BCAS3: variants seen among roughly 807,000 people sequenced by gnomAD.
BCAS3 encodes the protein BCAS3 microtubule associated cell migration factor.
In BCAS3, 53 loss-of-function variants were observed where a neutral mutation model predicts 116.1. The observed-to-expected ratio is 0.46, with a 90% CI of 0.37 to 0.57. The LOEUF (loss-of-function observed/expected upper bound fraction) is 0.57, where lower values mean the gene tolerates loss of function less well. Ranked by LOEUF, BCAS3 falls within the 20% of genes least tolerant of loss-of-function variation. The pLI, the probability that BCAS3 is intolerant of heterozygous loss-of-function variation, is 0.00. For missense variants in BCAS3, 917 were observed against 1,165.4 expected, an observed-to-expected ratio of 0.79 and a Z score of 3.10; for synonymous variants, 391 against 408.2, an observed-to-expected ratio of 0.96 and a Z score of 0.51.
At chr17:60,844,245 C>T (rs1364672938) in intron 7 of BCAS3, among the ~76,000 whole-genome samples, 1 of 152,186 alleles carries the variant, frequency 6.6e-6, no homozygotes, top group African/African-American at 2.4e-5. Flanking sequence ...GCTGGGATTA[C>T]AGGCCTGAGC....
At chr17:61,232,200 G>GAAAAAAAAAAAA (rs71148394) in intron 22 of BCAS3, among the ~76,000 whole-genome samples, 2 of 72,460 alleles carry the variant, frequency 2.8e-5, no homozygotes, top group African/African-American at 6.4e-5. Context: ...GAAAGACTCC[G>GAAAAAAAAAAAA]AAAAAAAAAA....
intron 19 of BCAS3, among the ~76,000 whole-genome samples, chr17:61,045,522 A>G (rs1339407372): frequency 1.3e-5 from 2 of 150,072 alleles, no homozygotes; most frequent in Admixed American, 1.3e-4. Flanking sequence ...TAAGAAAGAA[A>G]AAAAAAAAAA....
chr17:61,298,357 C>A (rs923354484), intron 22 of BCAS3, among the ~76,000 whole-genome samples: 2 of 152,060 alleles, frequency 1.3e-5, no homozygotes, highest in Non-Finnish European at 2.9e-5. Flanking sequence ...AATCAGCTGT[C>A]CCCCCAGGCC....
chr17:60,750,685 A>T (rs930421447), intron 6 of BCAS3, among the ~76,000 whole-genome samples: 4 of 152,340 alleles, frequency 2.6e-5, no homozygotes, highest in Non-Finnish European at 5.9e-5. Flanking sequence ...CCAGCATCAC[A>T]TTCTGCCATC....
rs747101806 is a variant in BCAS3, at chr17:61,380,620, T to C, written c.2594-11357T>C. 28 of 1,561,144 alleles carry C rather than the reference T, an allele frequency of 1.8e-5. No individual in the cohort carries two copies. The South Asian group carries it at 3.1e-4, about 17-fold the overall frequency. On this transcript the variant is annotated intron_variant, in intron 23 of 23. Coordinates refer to ENST00000407086, the MANE Select transcript of BCAS3 (RefSeq NM_017679.5). This position sits in a 1 kb window ranked among gnomAD's most constrained non-coding sequence, Gnocchi z 4.2. ...TATGTGGAAGGGGTTGTCCCGTTGC[T>C]TCTTTTGTCCCTCAAGAGGGTGCCC...
chr17:60,827,661 A>G (rs554798399), intron 7 of BCAS3, among the ~76,000 whole-genome samples: 44 of 152,334 alleles, frequency 2.9e-4, no homozygotes, highest in African/African-American at 1.0e-3. Context: ...CCATGAAGCC[A>G]TCACATTCCA....
At chr17:61,267,056 T>C (rs1244612437) in intron 22 of BCAS3, among the ~76,000 whole-genome samples, 1 of 152,118 alleles carries the variant, frequency 6.6e-6, no homozygotes, top group Admixed American at 6.5e-5. Flanking sequence ...TTTTGTGTTG[T>C]TGTTTGTTTG....
intron 6 of BCAS3, among the ~76,000 whole-genome samples, chr17:60,788,081 C>T (rs781316356): frequency 1.3e-5 from 2 of 152,046 alleles, no homozygotes; most frequent in Non-Finnish European, 2.9e-5. Context: ...TACTATGTGG[C>T]GTATTGGTAC....
rs1467680947 is a variant in BCAS3 at position 61,037,107 on chromosome 17, T to C, written c.1763-782T>C. Reference sequence around the variant, plus strand: ...TTTTGTTTGTTTTGATCCACAAATTTAAGTTCTAAATTTAAGTCTTCTGAG... The same window carrying C: ...TTTTGTTTGTTTTGATCCACAAATTCAAGTTCTAAATTTAAGTCTTCTGAG... On this transcript the variant is annotated intron_variant, in intron 17 of 23. Transcript: ENST00000407086. This position sits in a 1 kb window ranked among gnomAD's most constrained non-coding sequence, Gnocchi z 4.7. Among the ~76,000 whole-genome samples the C allele has an allele frequency of 1.3e-5, 2 of 152,198 alleles. No homozygotes were observed. Among genetic ancestry groups the C allele is most frequent in the Non-Finnish European group, 1.5e-5 (1 of 68,036 alleles).
chr17:61,303,551 C>T (rs2053614368), intron 22 of BCAS3, among the ~76,000 whole-genome samples: 1 of 152,208 alleles, frequency 6.6e-6, no homozygotes, highest in African/African-American at 2.4e-5. Flanking sequence ...GCACTTTCTC[C>T]TCCTGCTGTC....
intron 16 of BCAS3, among the ~76,000 whole-genome samples, chr17:61,033,193 T>C (rs1287851499): frequency 6.6e-6 from 1 of 152,130 alleles, no homozygotes; most frequent in African/African-American, 2.4e-5. Flanking sequence ...ACCTGCTTTG[T>C]CTAATATAGT....
At chr17:61,146,091 C>G (rs113803765) in intron 22 of BCAS3, among the ~76,000 whole-genome samples, 1 of 147,172 alleles carries the variant, frequency 6.8e-6, no homozygotes, top group South Asian at 2.2e-4. Flanking sequence ...GTACTGTTCA[C>G]AAGGTTACTT....
intron 22 of BCAS3, among the ~76,000 whole-genome samples, chr17:61,338,147 A>T (rs931976168): frequency 2.0e-5 from 3 of 152,236 alleles, no homozygotes; most frequent in Non-Finnish European, 4.4e-5. Flanking sequence ...TTCTGATTTT[A>T]AGTGACTGTG....
At position 61,362,769 on chromosome 17, in the gene BCAS3, A is replaced by T. The variant is rs1044430533; in HGVS notation, c.2426-5558A>T. On this transcript the variant is annotated intron_variant, in intron 22 of 23. Coordinates refer to ENST00000407086, the MANE Select transcript of BCAS3 (RefSeq NM_017679.5). This position sits in a 1 kb window ranked among gnomAD's most constrained non-coding sequence, Gnocchi z 4.4. ...CAGCTCTCTCTGCCGTCCTAGACAGATTGTTTTGTTTTTTCCAATTTCCAG... is the reference window on the plus strand; with the variant it reads ...CAGCTCTCTCTGCCGTCCTAGACAGTTTGTTTTGTTTTTTCCAATTTCCAG... The T allele has an allele frequency of 1.3e-5, 2 of 152,204 alleles. No homozygotes were observed. Among genetic ancestry groups the T allele is most frequent in the Non-Finnish European group, 2.9e-5 (2 of 68,046 alleles). 9.4% of individuals were successfully genotyped at this position (152,204 alleles called of 1,614,324 possible). A position where few individuals can be genotyped will look rare whatever the true frequency, so the allele number is the denominator to read the frequency against.
intron 16 of BCAS3, among the ~76,000 whole-genome samples, chr17:61,016,222 C>T (rs1221225539): frequency 2.0e-5 from 3 of 152,178 alleles, no homozygotes; most frequent in African/African-American, 7.2e-5. Context: ...GTTTCATTTT[C>T]CTGGCTCTTT....
At chr17:60,905,311 C>CA (rs2145076686) in intron 11 of BCAS3, among the ~76,000 whole-genome samples, 1 of 152,226 alleles carries the variant, frequency 6.6e-6, no homozygotes, top group African/African-American at 2.4e-5. Flanking sequence ...GCTGGTTTAT[C>CA]ACTCAAGATC....
In BCAS3 at chr17:60,919,355, G is replaced by A. The variant is rs377138725; in HGVS notation, c.994-5052G>A. ...TTTTTTTTTCTTGAGACGAAGTCTC[G>A]GTCTGTTGCCAGGTTGGAGTGGTGC... On this transcript the variant is annotated intron_variant, in intron 12 of 23. Transcript: ENST00000407086. Among the ~76,000 whole-genome samples, 59 of 151,990 alleles carry A rather than the reference G, an allele frequency of 3.9e-4. No individual in the cohort carries two copies. In the East Asian group the frequency reaches 8.3e-3, roughly 22 times the overall value.
At chr17:60,810,369 G>A (rs2048691662) in intron 7 of BCAS3, 3 of 441,534 alleles carry the variant, frequency 6.8e-6, no homozygotes, top group Admixed American at 2.9e-5. Context: ...TGGGGATGGC[G>A]GGGGGTCTGG....
chr17:61,056,341 A>G lies in BCAS3; in HGVS notation c.2029+15449A>G, dbSNP rs920024494. On this transcript the variant is annotated intron_variant, in intron 19 of 23. Transcript: ENST00000407086. The surrounding 1 kb of genome is among the most constrained non-coding windows in gnomAD (Gnocchi z 4.9). The stretch of plus-strand genomic sequence containing the variant: ...ACTGTGTGGCCTTAGTACAGTGCCC[A>G]TGTTATATACTGATAGAAGTCAGTA... Among the ~76,000 whole-genome samples, 32 of 152,198 alleles carry G rather than the reference A, an allele frequency of 2.1e-4. No individual in the cohort carries two copies. The highest frequency in any genetic ancestry group is 2.0e-3 in the Admixed American group (30 of 15,282).
Sources: gnomAD v4.1 joint callset for allele counts (sites outside exome capture counted in the v4.1 genomes callset) on GRCh38, gnomAD v4.1.1 for gene constraint, Gnocchi (gnomAD v3.1) non-coding constraint, MANE v1.5 for transcripts, NCBI Gene and HGNC (gene_info 2026-07-23, HGNC 2026-07-21) for gene names.